The following ZNF365 variants were observed in gnomAD, a reference collection of about 807,000 sequenced individuals.
ZNF365 encodes protein ZNF365.
In ZNF365, 22 loss-of-function variants were observed where a neutral mutation model predicts 35.0. That is an observed-to-expected ratio of 0.63 (90% confidence interval 0.45 to 0.90). The LOEUF is 0.90. ZNF365 is among the 40% of genes least tolerant of loss of function. The pLI is 0.00. For synonymous variants in ZNF365, 188 were observed against 196.2 expected, an observed-to-expected ratio of 0.96 and a Z score of 0.35; for missense variants, 448 against 500.3, an observed-to-expected ratio of 0.90 and a Z score of 1.00.
Position 62,400,562 on chromosome 10 carries a change from G to T in ZNF365, c.*773G>T. ...TCTGTGGATATGGCTGGGGAGCGAA[G>T]TAAAATCCTCTTTTGATTAGCACCC... On this transcript the variant is annotated 3_prime_UTR_variant, in exon 5 of 5. Coordinates refer to ENST00000395254, the MANE Select transcript of ZNF365 (RefSeq NM_014951.3). 9.1e-6 allele frequency: 9 copies of T among 986,022 alleles called. No homozygotes were observed. Among genetic ancestry groups the T allele is most frequent in the Non-Finnish European group, 1.1e-5 (9 of 829,952 alleles). 61.1% of individuals were successfully genotyped at this position (986,022 alleles called of 1,614,324 possible).
intron 3 of ZNF365, among the ~76,000 whole-genome samples, chr10:62,430,978 T>A (rs1840325765): frequency 1.3e-5 from 2 of 152,208 alleles, no homozygotes; most frequent in African/African-American, 4.8e-5. Context: ...GCTGTTTATA[T>A]CTGTCATGCA....
rs761529013 is a variant in ZNF365 at position 62,399,666 on chromosome 10, T to C, written c.1101T>C (p.Ala367=). The change falls in exon 5 of 5, where the codon GCT becomes GCC. Residue 367 remains alanine, a synonymous_variant. Coordinates refer to ENST00000395254, the MANE Select transcript of ZNF365 (RefSeq NM_014951.3). ...MQPAKAIHEQ[A]ESSRDLCRPP... The stretch of plus-strand genomic sequence containing the variant: ...CTGCCAAGGCCATTCACGAACAGGC[T>C]GAGTCCTCAAGAGACCTCTGCAGAC... 6.2e-7 allele frequency: 1 copy of C among 1,614,114 alleles called. No individual in the cohort carries two copies. The highest frequency in any genetic ancestry group is 1.7e-5 in the Admixed American group (1 of 60,002).
intron 3 of ZNF365, among the ~76,000 whole-genome samples, chr10:62,438,174 T>C (rs1840436586): frequency 6.6e-6 from 1 of 151,212 alleles, no homozygotes; most frequent in Admixed American, 6.6e-5. Flanking sequence ...TCATACAGTA[T>C]TTTCTTGTTT....
chr10:62,438,541 C>T (rs1055324264), intron 3 of ZNF365, among the ~76,000 whole-genome samples: 1 of 151,914 alleles, frequency 6.6e-6, no homozygotes, highest in Non-Finnish European at 1.5e-5. Flanking sequence ...TAAACAAACA[C>T]ATACATAAAG....
intron 3 of ZNF365, chr10:62,459,689 A>C (rs763618495): frequency 9.0e-6 from 14 of 1,560,248 alleles, no homozygotes; most frequent in Non-Finnish European, 1.2e-5. Flanking sequence ...TGACTTATTC[A>C]GTCTACACAC....
intron 4 of ZNF365, among the ~76,000 whole-genome samples, chr10:62,469,216 A>C (rs1032405931): frequency 6.6e-6 from 1 of 152,224 alleles, no homozygotes; most frequent in African/African-American, 2.4e-5. Context: ...TTTAGCAGAA[A>C]AATGTCTAGG....
rs563726070 is a variant in ZNF365, at chr10:62,376,607, G to T, written c.414G>T (p.Ser138=). The change falls in exon 2 of 5, where the codon TCG becomes TCT. Residue 138 remains serine (S), a synonymous_variant. Coordinates refer to ENST00000395254, the MANE Select transcript of ZNF365 (RefSeq NM_014951.3). ...CTGCCATGGACCTCCATGCAGACTC[G>T]CTGGATGGGACACGGTCGGGTCCTG... The part of the protein sequence containing the change: ...TYTAMDLHAD[S]LDGTRSGPGL... 3.1e-6 allele frequency: 5 copies of T among 1,614,128 alleles called. No homozygotes were observed. The highest frequency in any genetic ancestry group is 3.3e-5 in the Admixed American group (2 of 60,026).
At chr10:62,407,302 G>A (rs1215388783), downstream of ZNF365, among the ~76,000 whole-genome samples, 3 of 152,142 alleles carry the variant, frequency 2.0e-5, no homozygotes, top group Non-Finnish European at 4.4e-5. Context: ...CCTGCTGTAA[G>A]ACTATAGCTC....
chr10:62,471,676 A>T (rs1841041342), intron 4 of ZNF365, among the ~76,000 whole-genome samples: 1 of 152,220 alleles, frequency 6.6e-6, no homozygotes, highest in African/African-American at 2.4e-5. Context: ...TATTCTTGGC[A>T]TGGATGTACA....
At chr10:62,423,142 T>C (rs1840199887) in intron 3 of ZNF365, among the ~76,000 whole-genome samples, 1 of 26,984 alleles carries the variant, frequency 3.7e-5, no homozygotes, top group Non-Finnish European at 1.1e-4. Flanking sequence ...TTCCAAACTG[T>C]GTTCTGTAGC....
At chr10:62,425,769 A>G (rs1170502791) in intron 3 of ZNF365, among the ~76,000 whole-genome samples, 3 of 152,122 alleles carry the variant, frequency 2.0e-5, no homozygotes, top group African/African-American at 4.8e-5. Context: ...CGGATGTACC[A>G]TATATTTTCT....
At chr10:62,440,628 GT>G (rs1442685159) in intron 3 of ZNF365, among the ~76,000 whole-genome samples, 1 of 152,140 alleles carries the variant, frequency 6.6e-6, no homozygotes, top group East Asian at 1.9e-4. Flanking sequence ...AGAATTGTAA[GT>G]TCCTTGAAAT....
chr10:62,460,952 G>A (rs1438849540), intron 4 of ZNF365, among the ~76,000 whole-genome samples: 1 of 152,098 alleles, frequency 6.6e-6, no homozygotes, highest in Non-Finnish European at 1.5e-5. Flanking sequence ...GGAGGGTCAC[G>A]CCCCCACAGA....
chr10:62,390,160 G>A (rs964117509), intron 3 of ZNF365, among the ~76,000 whole-genome samples: 2 of 152,160 alleles, frequency 1.3e-5, no homozygotes, highest in African/African-American at 4.8e-5. Flanking sequence ...GACTGGGCAA[G>A]ATAGTTAGTC....
At position 62,436,421 on chromosome 10, in the gene ZNF365, C is replaced by CA. The variant is rs1291624581; in HGVS notation, c.925-23313dup. On this transcript the variant is annotated intron_variant, in intron 3 of 4. Transcript: ENST00000395255. ...ATTTAGGAGAAAAAAAAGCCACTGGCAAAAAAATAAATAACAATTGAGATT... is the reference window on the plus strand; with the variant it reads ...ATTTAGGAGAAAAAAAAGCCACTGGCAAAAAAAATAAATAACAATTGAGATT... 5.3e-5 allele frequency among the ~76,000 whole-genome samples: 8 copies of CA among 151,334 alleles called. 1 individual carries two copies. The East Asian group carries it at 1.4e-3, about 26-fold the overall frequency.
intron 3 of ZNF365, among the ~76,000 whole-genome samples, chr10:62,409,401 TAATA>T (rs1839952343): frequency 6.6e-6 from 1 of 152,178 alleles, no homozygotes. Context: ...AATGCCATTT[TAATA>T]AACTCTTTTC....
intron 3 of ZNF365, among the ~76,000 whole-genome samples, chr10:62,423,823 T>C (rs1840211043): frequency 6.6e-6 from 1 of 152,146 alleles, no homozygotes; most frequent in Non-Finnish European, 1.5e-5. Context: ...GAGGAAATAA[T>C]TATAATAATA....
Position 62,419,317 on chromosome 10 carries a change from G to A in ZNF365, c.924+30741G>A, listed in dbSNP as rs564802261. 5.3e-5 allele frequency among the ~76,000 whole-genome samples: 8 copies of A among 152,146 alleles called. No homozygotes were observed. The South Asian group carries it at 1.2e-3, about 24-fold the overall frequency. On this transcript the variant is annotated intron_variant, in intron 3 of 4. Coordinates refer to the ZNF365 transcript ENST00000395255. ...CTTCTCTGAGCTTCCATTTGCATAT[G>A]TAAAAACTGCACATAATGATATTTA... is the stretch of plus-strand genomic sequence containing the variant.
chr10:62,391,847 C>T (rs1264296475), intron 3 of ZNF365, among the ~76,000 whole-genome samples: 1 of 152,198 alleles, frequency 6.6e-6, no homozygotes, highest in African/African-American at 2.4e-5. Context: ...AGTGGTTGTA[C>T]TAGTTTACAT....
Sources: allele counts gnomAD v4.1 joint callset (sites outside exome capture counted in the v4.1 genomes callset), GRCh38; gene constraint gnomAD v4.1.1; transcripts MANE v1.5; gene names NCBI Gene and HGNC (gene_info 2026-07-23, HGNC 2026-07-21).